Variants in ANKRD44 observed in about 807,000 individuals in gnomAD.
ANKRD44 encodes the protein ankyrin repeat domain 44.
Under a neutral mutation model 116.0 loss-of-function variants are expected in ANKRD44, and 35 were observed. The observed-to-expected ratio is 0.30, with a 90% confidence interval of 0.23 to 0.40. The LOEUF (loss-of-function observed/expected upper bound fraction) is 0.40. ANKRD44 is among the 10% of genes least tolerant of loss of function. ANKRD44 has a pLI of 1.00. For synonymous variants in ANKRD44, 435 were observed against 461.8 expected, an observed-to-expected ratio of 0.94 and a Z score of 0.74; for missense variants, 1,014 against 1,242.6, an observed-to-expected ratio of 0.82 and a Z score of 2.77.
intron 1 of ANKRD44, among the ~76,000 whole-genome samples, chr2:197,198,262 G>C (rs574406174): frequency 6.6e-6 from 1 of 152,162 alleles, no homozygotes; most frequent in Non-Finnish European, 1.5e-5. Context: ...AGAAATTTGA[G>C]CTCTCTTCTG....
intron 16 of ANKRD44, among the ~76,000 whole-genome samples, chr2:197,053,024 A>C (rs556843725): frequency 4.3e-4 from 66 of 152,266 alleles, no homozygotes; most frequent in African/African-American, 1.5e-3. Context: ...TACAAAAATT[A>C]GCCAGGCATA....
chr2:197,041,195 C>T lies in ANKRD44; in HGVS notation c.1651-15928G>A, dbSNP rs547729558. Among the ~76,000 whole-genome samples the T allele has an allele frequency of 3.3e-5, 5 of 152,252 alleles. No homozygotes were observed. The South Asian group carries it at 1.0e-3, about 32-fold the overall frequency. On this transcript the variant is annotated intron_variant, in intron 16 of 27. Coordinates refer to ENST00000282272, the MANE Select transcript of ANKRD44 (RefSeq NM_001195144.2). Reference sequence around the variant, plus strand: ...ACAGAGTAGACAGAGCTATGATGTCCCAAGAGCAGAAAATCCATCCCACTG... The same window carrying T: ...ACAGAGTAGACAGAGCTATGATGTCTCAAGAGCAGAAAATCCATCCCACTG...
Position 197,005,696 on chromosome 2 carries a change from T to C in ANKRD44, c.2345A>G (p.Asn782Ser). ...GYTPLHWACY[N>S]GNENCIEVLL... Reference sequence around the variant, plus strand: ...CAGTCAAATGATAAGCAACTCACCATTGTAACAAGCCCAGTGCAGCGGCGT... The same window carrying C: ...CAGTCAAATGATAAGCAACTCACCACTGTAACAAGCCCAGTGCAGCGGCGT... The change falls in exon 21 of 28, where the codon AAT becomes AGT. Residue 782 changes from asparagine to serine, a missense_variant and splice_region_variant. Physicochemically the swap from Asn to Ser is conservative, Grantham distance 46 (BLOSUM62 1). Transcript: ENST00000282272. 6.2e-7 allele frequency: 1 copy of C among 1,614,118 alleles called. No homozygotes were observed. The highest frequency in any genetic ancestry group is 1.3e-5 in the African/African-American group (1 of 75,066).
intron 8 of ANKRD44, among the ~76,000 whole-genome samples, chr2:197,115,466 A>C (rs1040723656): frequency 1.3e-5 from 2 of 152,248 alleles, no homozygotes; most frequent in Non-Finnish European, 2.9e-5. Context: ...CATATCATGA[A>C]GTCAAAAAAC....
chr2:197,136,346 G>T, intron 4 of ANKRD44: 1 of 538,848 alleles, frequency 1.9e-6, no homozygotes, highest in Non-Finnish European at 3.3e-6. Flanking sequence ...TCCTCCCCAG[G>T]CTGAGAACTC....
At chr2:196,998,157 G>C (rs577915266) in intron 25 of ANKRD44, among the ~76,000 whole-genome samples, 180 bp downstream of exon 25, 1 of 152,256 alleles carries the variant, frequency 6.6e-6, no homozygotes, top group East Asian at 1.9e-4. Context: ...TCTTCAACAC[G>C]AATGCATTGT....
rs1245512137 is a variant in ANKRD44 at position 197,310,569 on chromosome 2, G to A, written c.27+9C>T. 7 of 1,201,948 alleles carry A rather than the reference G, an allele frequency of 5.8e-6. No individual in the cohort carries two copies. The highest frequency in any genetic ancestry group is 6.3e-6 in the Non-Finnish European group (6 of 946,730). The allele number at this position is 1,201,948 out of a possible 1,614,324, so 74.5% of individuals were successfully genotyped here. A position where few individuals can be genotyped will look rare whatever the true frequency, so the allele number is the denominator to read the frequency against. On this transcript the variant is annotated intron_variant, in intron 1 of 27. Transcript: ENST00000282272. ...GCGCGTCCCGCCCGCCGGCGCCGCCGCCCGCTACCTGGTCGGTGAGTTTGA... is the reference window on the plus strand; with the variant it reads ...GCGCGTCCCGCCCGCCGGCGCCGCCACCCGCTACCTGGTCGGTGAGTTTGA...
chr2:197,034,049 C>CGA (rs1491563139), intron 16 of ANKRD44, among the ~76,000 whole-genome samples: 1 of 13,252 alleles, frequency 7.5e-5, no homozygotes. Flanking sequence ...CATATGAGGG[C>CGA]TAGAGAGAGA....
intron 2 of ANKRD44, among the ~76,000 whole-genome samples, chr2:197,174,436 T>A (rs773939618): frequency 6.6e-6 from 1 of 152,214 alleles, no homozygotes; most frequent in Non-Finnish European, 1.5e-5. Flanking sequence ...GAACATATAA[T>A]GTTGAGTGAG....
intron 1 of ANKRD44, among the ~76,000 whole-genome samples, chr2:197,213,256 G>A (rs138492390): frequency 6.6e-5 from 10 of 152,324 alleles, no homozygotes; most frequent in African/African-American, 2.4e-4. Context: ...TCAAAGGAGA[G>A]CATTATACAT....
chr2:197,078,658 ATG>A (rs139294990), intron 16 of ANKRD44, 43 bp downstream of exon 16: 19,163 of 1,126,458 alleles, frequency 0.017, no homozygotes, highest in East Asian at 0.047. Flanking sequence ...GATTTGGGGT[ATG>A]TGTGTGTGTG....
intron 1 of ANKRD44, among the ~76,000 whole-genome samples, chr2:197,306,399 CTA>C (rs1462367161): frequency 1.3e-5 from 2 of 152,110 alleles, no homozygotes; most frequent in Non-Finnish European, 2.9e-5. Flanking sequence ...CACCTACCTC[CTA>C]GTGTGGCTAT....
At chr2:197,054,697 T>C (rs1273973884) in intron 16 of ANKRD44, among the ~76,000 whole-genome samples, 1 of 152,212 alleles carries the variant, frequency 6.6e-6, no homozygotes, top group African/African-American at 2.4e-5. Context: ...GAATTCCTGT[T>C]TGATTTATGA....
chr2:197,274,724 G>A (rs2083023389), intron 1 of ANKRD44, among the ~76,000 whole-genome samples: 1 of 152,088 alleles, frequency 6.6e-6, no homozygotes, highest in Admixed American at 6.5e-5. Context: ...CTGCACCAAA[G>A]CCCTTTTTCA....
chr2:197,013,798 G>T, intron 17 of ANKRD44, 86 bp from the exon 18 acceptor site: 1 of 1,399,756 alleles, frequency 7.1e-7, no homozygotes, highest in Non-Finnish European at 1.0e-6. Flanking sequence ...GGCTTCCTGG[G>T]CCATGGATAG....
chr2:197,264,158 T>C (rs920285059), intron 1 of ANKRD44, among the ~76,000 whole-genome samples: 1 of 152,186 alleles, frequency 6.6e-6, no homozygotes, highest in Non-Finnish European at 1.5e-5. Context: ...CTACTTCCTT[T>C]TCCCATAGTG....
At chr2:197,079,220 G>C (rs2077740345) in intron 15 of ANKRD44, among the ~76,000 whole-genome samples, 1 of 151,960 alleles carries the variant, frequency 6.6e-6, no homozygotes, top group South Asian at 2.1e-4. Flanking sequence ...AACCTCAATA[G>C]GGAGGGGTTT....
intron 1 of ANKRD44, among the ~76,000 whole-genome samples, chr2:197,195,836 C>T (rs2080935953): frequency 6.6e-6 from 1 of 152,202 alleles, no homozygotes; most frequent in African/African-American, 2.4e-5. Flanking sequence ...ACAGCCTTTG[C>T]CAAGTGCCAT....
chr2:197,070,283 T>C lies in ANKRD44; in HGVS notation c.1650+8420A>G, dbSNP rs76154137. 4.2e-3 allele frequency among the ~76,000 whole-genome samples: 644 copies of C among 152,306 alleles called. 2 individuals carry two copies. The highest frequency in any genetic ancestry group is 7.0e-3 in the Non-Finnish European group (479 of 68,004). On this transcript the variant is annotated intron_variant, in intron 16 of 27. Transcript: ENST00000282272. Reference sequence around the variant, plus strand: ...CTAGAACTTTCAGCACAATGTTGAATAGGAGTGGTATAAGAAGACATCCTT... The same window carrying C: ...CTAGAACTTTCAGCACAATGTTGAACAGGAGTGGTATAAGAAGACATCCTT...
Sources: gnomAD v4.1 joint callset for allele counts (sites outside exome capture counted in the v4.1 genomes callset) on GRCh38, gnomAD v4.1.1 for gene constraint, MANE v1.5 for transcripts, NCBI Gene and HGNC (gene_info 2026-07-23, HGNC 2026-07-21) for gene names.